The following PPARGC1A variants were observed in gnomAD, a reference collection of about 807,000 sequenced individuals.
PPARGC1A encodes peroxisome proliferator-activated receptor gamma coactivator 1-alpha.
PPARGC1A carries 25 observed loss-of-function variants against 88.7 expected under a neutral mutation model. The ratio of observed to expected loss-of-function variants is 0.28; its 90% confidence interval spans 0.21 to 0.39. The LOEUF (loss-of-function observed/expected upper bound fraction) is 0.39, where lower values mean the gene tolerates loss of function less well. Ranked by LOEUF, PPARGC1A falls within the 10% of genes least tolerant of loss-of-function variation. The probability of loss-of-function intolerance (pLI) is 1.00; values close to 1 mark genes in which losing one functional copy is unlikely to be tolerated. For missense variants in PPARGC1A, 880 were observed against 968.7 expected (o/e 0.91, Z 1.22); for synonymous variants, 363 against 355.6 (o/e 1.02, Z -0.24).
At chr4:24,131,582 T>C in the PPARGC1A span, among the ~76,000 whole-genome samples, 1 of 152,210 alleles carries the variant, frequency 6.6e-6, no homozygotes, top group African/African-American at 2.4e-5. Context: ...ACTAATCAGA[T>C]TGGACAAATG....
chr4:24,470,811 C>T, the PPARGC1A span, among the ~76,000 whole-genome samples: 175 of 151,782 alleles, frequency 1.2e-3, no homozygotes, highest in Middle Eastern at 6.8e-3. The surrounding 1 kb of genome is among the most constrained non-coding windows in gnomAD (Gnocchi z 5.8). Context: ...CTCCGGGCGG[C>T]CCTTATGTAT....
the PPARGC1A span, among the ~76,000 whole-genome samples, chr4:24,261,397 C>G: frequency 6.6e-6 from 1 of 152,176 alleles, no homozygotes. Flanking sequence ...GCTCCCTGCC[C>G]TTCTCCTCCT....
chr4:23,798,682 T>C (rs1011072425), intron 12 of PPARGC1A, among the ~76,000 whole-genome samples: 3 of 152,322 alleles, frequency 2.0e-5, no homozygotes, highest in African/African-American at 7.2e-5. Flanking sequence ...TTGGATCCTG[T>C]AGTCCTACTT....
At chr4:24,005,308 A>G in the PPARGC1A span, among the ~76,000 whole-genome samples, 6 of 152,320 alleles carry the variant, frequency 3.9e-5, no homozygotes, top group Admixed American at 3.3e-4. Flanking sequence ...AAGTCAGAGT[A>G]AATAGAAACT....
intron 7 of PPARGC1A, among the ~76,000 whole-genome samples, chr4:23,817,647 G>C (rs1722227639): frequency 6.6e-6 from 1 of 152,090 alleles, no homozygotes; most frequent in Non-Finnish European, 1.5e-5. Context: ...GGTAATATTT[G>C]CTTATTGAAT....
the PPARGC1A span, among the ~76,000 whole-genome samples, chr4:24,056,826 A>G: frequency 2.0e-5 from 3 of 152,212 alleles, no homozygotes; most frequent in Non-Finnish European, 4.4e-5. Context: ...ATGTGGTGAA[A>G]TTGGGCCCCT....
chr4:24,229,046 C>T, the PPARGC1A span, among the ~76,000 whole-genome samples: 1 of 151,828 alleles, frequency 6.6e-6, no homozygotes, highest in South Asian at 2.1e-4. Context: ...TCAACCTTGG[C>T]TGCACATTGG....
At chr4:23,839,292 G>GT (rs1220234825) in intron 2 of PPARGC1A, among the ~76,000 whole-genome samples, 1 of 152,114 alleles carries the variant, frequency 6.6e-6, no homozygotes, top group African/African-American at 2.4e-5. Context: ...AAAATTCCTG[G>GT]TTAATATATG....
the PPARGC1A span, among the ~76,000 whole-genome samples, chr4:24,120,998 C>T: frequency 6.6e-6 from 1 of 152,214 alleles, no homozygotes; most frequent in Non-Finnish European, 1.5e-5. Flanking sequence ...TCTCCAATAG[C>T]AACAAGCACA....
the PPARGC1A span, among the ~76,000 whole-genome samples, chr4:24,166,089 G>A: frequency 6.6e-6 from 1 of 152,144 alleles, no homozygotes; most frequent in African/African-American, 2.4e-5. Context: ...CCAATGACAA[G>A]AAAGCAAAAC....
At chr4:23,900,801 T>C (rs750805768), upstream of PPARGC1A, among the ~76,000 whole-genome samples, 4 of 152,354 alleles carry the variant, frequency 2.6e-5, no homozygotes, top group East Asian at 1.9e-4. Context: ...TCCAGCCTCA[T>C]ACCAGTCCCG....
chr4:23,975,759 G>A, the PPARGC1A span, among the ~76,000 whole-genome samples: 217 of 152,278 alleles, frequency 1.4e-3, 2 homozygotes, highest in East Asian at 0.037. Flanking sequence ...AATAAATAGT[G>A]CAGGTGCTAG....
chr4:23,984,618 G>A, the PPARGC1A span, among the ~76,000 whole-genome samples: 1 of 152,002 alleles, frequency 6.6e-6, no homozygotes. Context: ...AGCTGATAAG[G>A]TAAAGCCAGG....
the PPARGC1A span, among the ~76,000 whole-genome samples, chr4:23,999,132 T>C: frequency 6.6e-6 from 1 of 152,228 alleles, no homozygotes; most frequent in African/African-American, 2.4e-5. Flanking sequence ...AGCAAGTGCA[T>C]ATCTACGAGA....
Position 23,813,749 on chromosome 4 carries a change from A to G in PPARGC1A, c.1734T>C (p.Cys578=), listed in dbSNP as rs1358754049. 2 of 1,613,282 alleles carry G rather than the reference A, an allele frequency of 1.2e-6. No homozygotes were observed. Among genetic ancestry groups the G allele is most frequent in the Non-Finnish European group, 1.7e-6 (2 of 1,179,328 alleles). Residue 578 remains cysteine (C), a synonymous_variant, in exon 8 of 13, where the codon TGT becomes TGC. Transcript: ENST00000264867. ...TTGACCTGGAATATGGTGATCGGGA[A>G]CACGACCTGTGTCGAGAAAAGGACC... The part of the protein sequence containing the change: ...RSRSFSRHRS[C]SRSPYSRSRS...
chr4:23,827,444 G>A (rs769816098), intron 5 of PPARGC1A, among the ~76,000 whole-genome samples: 2 of 152,058 alleles, frequency 1.3e-5, no homozygotes, highest in Non-Finnish European at 2.9e-5. Context: ...AAAAAAAGAG[G>A]TATATGTTTA....
chr4:24,409,938 G>A, the PPARGC1A span, among the ~76,000 whole-genome samples: 7 of 152,152 alleles, frequency 4.6e-5, no homozygotes, highest in Non-Finnish European at 1.0e-4. Flanking sequence ...TGCATCTATT[G>A]TGGGATAATT....
the PPARGC1A span, among the ~76,000 whole-genome samples, chr4:24,159,259 G>A: frequency 1.5e-5 from 2 of 133,660 alleles, no homozygotes; most frequent in Non-Finnish European, 1.5e-5. Context: ...TTGCCAGGCT[G>A]GAGTGCAATG....
chr4:24,263,611 C>T, the PPARGC1A span, among the ~76,000 whole-genome samples: 1 of 152,168 alleles, frequency 6.6e-6, no homozygotes, highest in South Asian at 2.1e-4. Flanking sequence ...TCCATCTCCA[C>T]TTCTGCCGTA....
Sources: gnomAD v4.1 joint callset for allele counts (sites outside exome capture counted in the v4.1 genomes callset) on GRCh38, gnomAD v4.1.1 for gene constraint, Gnocchi (gnomAD v3.1) non-coding constraint, MANE v1.5 for transcripts, NCBI Gene and HGNC (gene_info 2026-07-23, HGNC 2026-07-21) for gene names.